Variants in NREP observed in about 807,000 individuals in gnomAD.
The protein encoded by NREP is neuronal regeneration-related protein.
Under a neutral mutation model 8.6 loss-of-function variants are expected in NREP, and 5 were observed. The observed-to-expected ratio is 0.58, with a 90% CI of 0.30 to 1.22. NREP has a LOEUF of 1.22. Ranked by LOEUF, NREP falls within the 50% of genes most tolerant of loss-of-function variation. The pLI is 0.07. For synonymous variants in NREP, 27 were observed against 28.0 expected (o/e 0.96, Z 0.11); for missense variants, 86 against 82.5 (o/e 1.04, Z -0.17).
chr5:111,757,892 G>A (rs923158037), upstream of NREP: 1 of 984,352 alleles, frequency 1.0e-6, no homozygotes, highest in Non-Finnish European at 1.2e-6. Flanking sequence ...ACAGCCCGGC[G>A]GCCCGCCAGG....
At chr5:111,818,222 A>C (rs1752437467) in intron 2 of NREP, among the ~76,000 whole-genome samples, 1 of 152,220 alleles carries the variant, frequency 6.6e-6, no homozygotes, top group African/African-American at 2.4e-5. Flanking sequence ...AATTAATTGC[A>C]CATTATTCAA....
intron 2 of NREP, among the ~76,000 whole-genome samples, chr5:111,885,066 C>G (rs1212407358): frequency 1.3e-5 from 2 of 152,048 alleles, no homozygotes; most frequent in Non-Finnish European, 2.9e-5. Context: ...GATTGTATAC[C>G]TAGAAAACCC....
intron 2 of NREP, among the ~76,000 whole-genome samples, chr5:111,845,300 G>A (rs1166851839): frequency 2.0e-5 from 3 of 148,330 alleles, no homozygotes; most frequent in East Asian, 3.9e-4. Context: ...TAATTTCTGT[G>A]CCCTACACAG....
intron 2 of NREP, among the ~76,000 whole-genome samples, chr5:111,967,391 C>T (rs1488530464): frequency 1.3e-5 from 2 of 152,194 alleles, no homozygotes; most frequent in Admixed American, 1.3e-4. Context: ...ATTCGTATTA[C>T]ACAGCTTCCT....
At chr5:111,814,976 A>G (rs2112918023) in intron 2 of NREP, among the ~76,000 whole-genome samples, 1 of 151,936 alleles carries the variant, frequency 6.6e-6, no homozygotes, top group South Asian at 2.1e-4. Context: ...AAAAAAAAAA[A>G]AGGAATACCA....
intron 2 of NREP, among the ~76,000 whole-genome samples, chr5:111,871,368 G>A (rs1017397487): frequency 2.0e-5 from 3 of 152,012 alleles, no homozygotes; most frequent in Non-Finnish European, 2.9e-5. Flanking sequence ...ATACTTGTAC[G>A]GCACTTACCA....
chr5:111,809,198 C>G (rs1403416539), intron 2 of NREP, among the ~76,000 whole-genome samples: 1 of 152,190 alleles, frequency 6.6e-6, no homozygotes, highest in Non-Finnish European at 1.5e-5. Flanking sequence ...ATCTTCCACT[C>G]AAAATAGGCC....
intron 2 of NREP, among the ~76,000 whole-genome samples, chr5:111,867,517 C>T (rs191649584): frequency 6.6e-6 from 1 of 152,242 alleles, no homozygotes; most frequent in East Asian, 1.9e-4. Flanking sequence ...TCCTAAAAAC[C>T]TTATCTTCAA....
chr5:111,822,240 A>G (rs1272846979), intron 2 of NREP, among the ~76,000 whole-genome samples: 1 of 152,142 alleles, frequency 6.6e-6, no homozygotes, highest in Non-Finnish European at 1.5e-5. Flanking sequence ...GGTCCTGGAG[A>G]GAAGGGGAAT....
At chr5:111,883,061 T>A (rs1368503117) in intron 2 of NREP, among the ~76,000 whole-genome samples, 1 of 152,220 alleles carries the variant, frequency 6.6e-6, no homozygotes, top group Admixed American at 6.5e-5. Context: ...GACCCATCAG[T>A]GTGCTGTATT....
chr5:111,949,185 T>C (rs6862840), intron 2 of NREP, among the ~76,000 whole-genome samples: 16,991 of 152,076 alleles, frequency 0.11, 1,568 homozygotes, highest in African/African-American at 0.25. Context: ...ATATTTATTG[T>C]CCACCACAAA....
intron 2 of NREP, among the ~76,000 whole-genome samples, chr5:111,810,906 A>T: frequency 6.6e-6 from 1 of 152,222 alleles, no homozygotes; most frequent in Non-Finnish European, 1.5e-5. Context: ...CATTACAAGT[A>T]CTACATACTT....
intron 2 of NREP, among the ~76,000 whole-genome samples, chr5:111,853,921 G>C: frequency 6.6e-6 from 1 of 152,108 alleles, no homozygotes; most frequent in South Asian, 2.1e-4. Context: ...AGCCACAGAT[G>C]CTCTTTCTCG....
intron 2 of NREP, among the ~76,000 whole-genome samples, chr5:111,844,476 T>G (rs1379881624): frequency 6.6e-6 from 1 of 151,482 alleles, no homozygotes; most frequent in Non-Finnish European, 1.5e-5. Flanking sequence ...CATCATTGCT[T>G]CTTTATCTCA....
intron 2 of NREP, among the ~76,000 whole-genome samples, chr5:111,781,017 A>G (rs1440479111): frequency 6.6e-6 from 1 of 152,094 alleles, no homozygotes; most frequent in Non-Finnish European, 1.5e-5. Flanking sequence ...TTTTCTTAAA[A>G]AACTTTAAGT....
intron 2 of NREP, among the ~76,000 whole-genome samples, chr5:111,939,101 C>T (rs1755760725): frequency 6.6e-6 from 1 of 151,994 alleles, no homozygotes; most frequent in Non-Finnish European, 1.5e-5. Context: ...GTCCCCCTTG[C>T]TCTTGGTCTT....
intron 2 of NREP, among the ~76,000 whole-genome samples, chr5:111,743,741 T>C (rs946002832): frequency 2.0e-5 from 3 of 152,178 alleles, no homozygotes; most frequent in Admixed American, 6.5e-5. Flanking sequence ...CCAAGGTTAA[T>C]AGGAAACATC....
intron 2 of NREP, among the ~76,000 whole-genome samples, chr5:111,816,339 A>C (rs1752384965): frequency 6.6e-6 from 1 of 152,200 alleles, no homozygotes; most frequent in Non-Finnish European, 1.5e-5. Flanking sequence ...CTCCAGAAAG[A>C]GTAAATAAGA....
chr5:111,964,855 C>CAAAAAAAAAAAAA lies in NREP; in HGVS notation c.135+10406_135+10418dup, dbSNP rs58877839. Among the ~76,000 whole-genome samples, 40 of 44,872 alleles carry CAAAAAAAAAAAAA rather than the reference C, an allele frequency of 8.9e-4. 7 individuals are homozygous for CAAAAAAAAAAAAA. The highest frequency in any genetic ancestry group is 1.8e-3 in the Admixed American group (5 of 2,800). 29.4% of individuals were successfully genotyped at this position (44,872 alleles called of 152,430 possible). On this transcript the variant is annotated intron_variant, in intron 2 of 3. Coordinates refer to the NREP transcript ENST00000395634. ...AGTCTACTTAGAATGCTTTCAGCAGCAAAAAAAAAAAAAAAAAAAAAAAAA... is the reference window on the plus strand; with the variant it reads ...AGTCTACTTAGAATGCTTTCAGCAGCAAAAAAAAAAAAAAAAAAAAAAAAAAAAAAAAAAAAAA...
Sources: allele counts gnomAD v4.1 joint callset (sites outside exome capture counted in the v4.1 genomes callset), GRCh38; gene constraint gnomAD v4.1.1; transcripts MANE v1.5; gene names NCBI Gene and HGNC (gene_info 2026-07-23, HGNC 2026-07-21).